Variants in MAP2 observed in about 807,000 individuals in gnomAD.
The protein encoded by MAP2 is microtubule associated protein 2.
A neutral mutation model predicts 137.6 loss-of-function variants in MAP2; 14 were observed. That is an observed-to-expected ratio of 0.10 (90% confidence interval 0.07 to 0.16). The LOEUF is 0.16. Ranked by LOEUF, MAP2 falls within the 10% of genes least tolerant of loss-of-function variation. MAP2 has a pLI of 1.00. For synonymous variants in MAP2, 786 were observed against 782.3 expected, an observed-to-expected ratio of 1.00 and a Z score of -0.08; for missense variants, 2,088 against 2,191.5, an observed-to-expected ratio of 0.95 and a Z score of 0.94.
At chr2:209,709,766 C>T in intron 12 of MAP2, 148 bp from the exon 13 acceptor site, 1 of 580,714 alleles carries the variant, frequency 1.7e-6, no homozygotes, top group African/African-American at 1.9e-5. Context: ...AAACGAGACT[C>T]TCAGCTTCTT....
chr2:209,434,657 A>G (rs1272273909), intron 1 of MAP2, among the ~76,000 whole-genome samples: 1 of 151,158 alleles, frequency 6.6e-6, no homozygotes, highest in Non-Finnish European at 1.5e-5. Context: ...AATCTACAAA[A>G]TAATTTTTTT....
chr2:209,564,569 A>C (rs1396457644), intron 2 of MAP2, among the ~76,000 whole-genome samples: 7 of 150,998 alleles, frequency 4.6e-5, no homozygotes, highest in East Asian at 1.9e-4. Flanking sequence ...AAAAAAAAAA[A>C]AAAAAAAAAA....
chr2:209,546,346 G>T lies in MAP2; in HGVS notation c.-171-33690G>T, dbSNP rs542410315. Reference sequence around the variant, plus strand: ...TTATATGCAATGACACAAATTGTATGTTTGTGCATCTTAATGCTACATATA... The same window carrying T: ...TTATATGCAATGACACAAATTGTATTTTTGTGCATCTTAATGCTACATATA... On this transcript the variant is annotated intron_variant, in intron 2 of 15. Coordinates refer to ENST00000682079, the MANE Select transcript of MAP2 (RefSeq NM_001375505.1). 8.4e-3 allele frequency among the ~76,000 whole-genome samples: 1,273 copies of T among 152,192 alleles called. 19 individuals are homozygous for T. The highest frequency in any genetic ancestry group is 0.03 in the African/African-American group (1,231 of 41,512).
chr2:209,543,527 G>A (rs2067421996), intron 2 of MAP2, among the ~76,000 whole-genome samples: 1 of 152,184 alleles, frequency 6.6e-6, no homozygotes, highest in Non-Finnish European at 1.5e-5. Flanking sequence ...GCAATAAAAT[G>A]AGGCATACTC....
chr2:209,648,255 C>T (rs1197667088), intron 4 of MAP2, among the ~76,000 whole-genome samples: 2 of 151,950 alleles, frequency 1.3e-5, no homozygotes, highest in African/African-American at 4.8e-5. Context: ...GCACACACCA[C>T]CACACCCAGC....
intron 2 of MAP2, among the ~76,000 whole-genome samples, chr2:209,508,276 A>G (rs2061312455): frequency 6.7e-6 from 1 of 150,316 alleles, no homozygotes; most frequent in Non-Finnish European, 1.5e-5. Flanking sequence ...ATGTATTCAG[A>G]TTGAAAAAAA....
chr2:209,441,297 C>T (rs1431148348), intron 1 of MAP2, among the ~76,000 whole-genome samples: 2 of 150,628 alleles, frequency 1.3e-5, no homozygotes, highest in East Asian at 1.9e-4. Context: ...CACTAATGTA[C>T]ATAATACCAC....
chr2:209,646,891 G>C (rs1026500387), intron 4 of MAP2, among the ~76,000 whole-genome samples: 1 of 151,718 alleles, frequency 6.6e-6, no homozygotes, highest in Non-Finnish European at 1.5e-5. Flanking sequence ...TAGAACATTT[G>C]GTTACTTATT....
chr2:209,533,286 A>G (rs1040193540), intron 2 of MAP2, among the ~76,000 whole-genome samples: 1 of 152,116 alleles, frequency 6.6e-6, no homozygotes, highest in African/African-American at 2.4e-5. Context: ...CTGGGATTAC[A>G]GGCACCCACC....
At chr2:209,650,068 G>A (rs1464258754) in intron 4 of MAP2, among the ~76,000 whole-genome samples, 1 of 152,126 alleles carries the variant, frequency 6.6e-6, no homozygotes, top group Non-Finnish European at 1.5e-5. Context: ...TTAAAATAAG[G>A]ATTCTTGGTC....
chr2:209,549,863 A>T (rs1461624761), intron 2 of MAP2, among the ~76,000 whole-genome samples: 1 of 152,192 alleles, frequency 6.6e-6, no homozygotes, highest in Non-Finnish European at 1.5e-5. Context: ...CTTTAAAACC[A>T]GCTCTAGCAT....
intron 2 of MAP2, among the ~76,000 whole-genome samples, chr2:209,566,622 C>A (rs1035382941): frequency 6.6e-6 from 1 of 152,106 alleles, no homozygotes; most frequent in Non-Finnish European, 1.5e-5. Context: ...TCATTTAATT[C>A]TTTTTTCAAG....
In MAP2 at chr2:209,617,118, G is replaced by C. The variant is rs555598161; in HGVS notation, c.-106-7935G>C. On this transcript the variant is annotated intron_variant, in intron 3 of 15. Coordinates refer to ENST00000682079, the MANE Select transcript of MAP2 (RefSeq NM_001375505.1). ...ATTTTTAGGTTTTATGGCTGACTTT[G>C]GGAAAAGAGGGCTCTGGTTTCTATG... Among the ~76,000 whole-genome samples the C allele has an allele frequency of 5.4e-4, 82 of 152,168 alleles. 1 individual carries two copies. The highest frequency in any genetic ancestry group is 1.0e-3 in the Non-Finnish European group (68 of 68,006).
intron 2 of MAP2, among the ~76,000 whole-genome samples, chr2:209,563,180 A>G (rs1299463479): frequency 6.6e-6 from 1 of 152,152 alleles, no homozygotes; most frequent in Non-Finnish European, 1.5e-5. Context: ...TTAAAAGCAT[A>G]CCTGTAGTAT....
chr2:209,609,455 T>TATCTAA (rs1309876361), intron 3 of MAP2, among the ~76,000 whole-genome samples: 6 of 152,076 alleles, frequency 3.9e-5, no homozygotes, highest in Admixed American at 3.9e-4. Context: ...TTTTAGAAGG[T>TATCTAA]TTTTATCACC....
rs1235900559 is a variant in MAP2 at position 209,733,557 on chromosome 2, A to C, written c.*3160A>C. ...TATAACATTCCATCAGTATTTTATTAAGGAAATAACCTGAATGTGGTTGAT... is the reference window on the plus strand; with the variant it reads ...TATAACATTCCATCAGTATTTTATTCAGGAAATAACCTGAATGTGGTTGAT... On this transcript the variant is annotated 3_prime_UTR_variant, in exon 16 of 16. Transcript: ENST00000682079. The C allele has an allele frequency of 1.3e-5, 2 of 152,152 alleles. No individual in the cohort carries two copies. The highest frequency in any genetic ancestry group is 2.9e-5 in the Non-Finnish European group (2 of 68,018). The allele number at this position is 152,152 out of a possible 1,614,324, so 9.4% of individuals were successfully genotyped here.
At position 209,432,872 on chromosome 2, in the gene MAP2, C is replaced by T. The variant is rs980350537; in HGVS notation, c.-222+8596C>T. ...ATCTCTTAAAGTAAGATATTTCATA[C>T]TCTTCTTAGTTTATTTTATTTGGTG... is the stretch of plus-strand genomic sequence containing the variant. On this transcript the variant is annotated intron_variant, in intron 1 of 15. Transcript: ENST00000682079. 3.3e-5 allele frequency among the ~76,000 whole-genome samples: 5 copies of T among 152,124 alleles called. No individual in the cohort carries two copies. In the South Asian group the frequency reaches 1.0e-3, roughly 32 times the overall value.
chr2:209,479,504 G>C (rs1340941027), intron 1 of MAP2, among the ~76,000 whole-genome samples: 1 of 152,090 alleles, frequency 6.6e-6, no homozygotes, highest in Non-Finnish European at 1.5e-5. Context: ...TAAAGAATGA[G>C]CTGGAAATCG....
intron 2 of MAP2, among the ~76,000 whole-genome samples, chr2:209,548,975 A>AGGGC (rs2068630796): frequency 6.6e-6 from 1 of 152,188 alleles, no homozygotes; most frequent in Non-Finnish European, 1.5e-5. Context: ...TGTAAGAATG[A>AGGGC]ACTAGTAAAG....
Sources: allele counts gnomAD v4.1 joint callset (sites outside exome capture counted in the v4.1 genomes callset), GRCh38; gene constraint gnomAD v4.1.1; transcripts MANE v1.5; gene names NCBI Gene and HGNC (gene_info 2026-07-23, HGNC 2026-07-21).